Variants in RGS7 observed in about 807,000 individuals in gnomAD.
The protein encoded by RGS7 is regulator of G-protein signaling 7.
RGS7 carries 27 observed loss-of-function variants against 81.1 expected under a neutral mutation model. The observed-to-expected ratio is 0.33, with a 90% CI of 0.25 to 0.46. The LOEUF is 0.46. Among genes scored for constraint, RGS7 ranks in the 20% least tolerant of loss-of-function variants. The pLI is 1.00. For missense variants in RGS7, 396 were observed against 607.4 expected, an observed-to-expected ratio of 0.65 and a Z score of 3.66; for synonymous variants, 208 against 207.7, an observed-to-expected ratio of 1.00 and a Z score of -0.01.
intron 4 of RGS7, among the ~76,000 whole-genome samples, chr1:240,948,442 T>TTTTA (rs1238608781): frequency 1.3e-5 from 2 of 152,098 alleles, no homozygotes; most frequent in East Asian, 1.9e-4. Flanking sequence ...AGTGTTGCTA[T>TTTTA]TTTATTTATT....
intron 2 of RGS7, among the ~76,000 whole-genome samples, chr1:241,230,623 A>G (rs775644154): frequency 6.6e-6 from 1 of 152,244 alleles, no homozygotes; most frequent in African/African-American, 2.4e-5. Context: ...GAGCAAAAAC[A>G]TTAACCTCAA....
In RGS7 at chr1:241,271,997, TTA is replaced by T. The variant is rs568695615; in HGVS notation, c.78+83700_78+83701del. 0.11 allele frequency among the ~76,000 whole-genome samples: 14,003 copies of T among 126,894 alleles called. 675 individuals are homozygous for T. The highest frequency in any genetic ancestry group is 0.15 in the Non-Finnish European group (8,496 of 58,044). The allele number at this position is 126,894 out of a possible 152,430, so 83.2% of individuals were successfully genotyped here. Reference sequence around the variant, plus strand: ...TACTAGAATTTCTTTTTTTTTTTTTTTATTTTTATTTTTTGAGATGGAGTCTC... The same window carrying T: ...TACTAGAATTTCTTTTTTTTTTTTTTTTTTTATTTTTTGAGATGGAGTCTC... On this transcript the variant is annotated intron_variant, in intron 2 of 18. Transcript: ENST00000440928. The surrounding 1 kb of genome is among the most constrained non-coding windows in gnomAD (Gnocchi z 4.6).
At chr1:241,333,631 T>C (rs1438998078) in intron 2 of RGS7, among the ~76,000 whole-genome samples, 1 of 152,156 alleles carries the variant, frequency 6.6e-6, no homozygotes, top group Non-Finnish European at 1.5e-5. Context: ...AAGTCTTAGA[T>C]ACGGCACTCT....
At chr1:241,217,954 T>C (rs891477691) in intron 2 of RGS7, among the ~76,000 whole-genome samples, 1 of 152,244 alleles carries the variant, frequency 6.6e-6, no homozygotes. Context: ...TATTTCTTTC[T>C]AGATCTTGAA....
At chr1:241,270,165 C>T (rs1996806) in intron 2 of RGS7, among the ~76,000 whole-genome samples, 38,827 of 152,024 alleles carry the variant, frequency 0.26, 5,201 homozygotes, top group East Asian at 0.45. Context: ...CTCCATTTAT[C>T]AATGCTGGCC....
intron 4 of RGS7, among the ~76,000 whole-genome samples, chr1:240,939,907 TAAAAAAAATAAAA>T (rs1558498625): frequency 6.6e-6 from 1 of 151,230 alleles, no homozygotes; most frequent in East Asian, 1.9e-4. Flanking sequence ...CCGTCTCTAC[TAAAAAAAATAAAA>T]AATAAAAAAC....
chr1:240,871,201 T>A (rs1222012454), intron 6 of RGS7, among the ~76,000 whole-genome samples: 1 of 152,224 alleles, frequency 6.6e-6, no homozygotes, highest in Non-Finnish European at 1.5e-5. Context: ...CTCATGAAAC[T>A]CAAGATACAT....
intron 9 of RGS7, among the ~76,000 whole-genome samples, chr1:240,828,866 G>A (rs992544805): frequency 2.6e-5 from 4 of 152,164 alleles, no homozygotes; most frequent in Non-Finnish European, 5.9e-5. Flanking sequence ...CAGACTGCAA[G>A]AAATTAAAGC....
intron 2 of RGS7, among the ~76,000 whole-genome samples, chr1:241,243,807 C>A (rs551093544): frequency 2.6e-5 from 4 of 152,284 alleles, no homozygotes; most frequent in African/African-American, 7.2e-5. Context: ...ACCTAGTCAT[C>A]CTGGAGCATC....
chr1:241,244,013 C>T lies in RGS7; in HGVS notation c.78+111686G>A, dbSNP rs181869473. Among the ~76,000 whole-genome samples the T allele has an allele frequency of 3.4e-3, 513 of 152,222 alleles. 1 individual carries two copies. Among genetic ancestry groups the T allele is most frequent in the Admixed American group, 0.014 (216 of 15,296 alleles). On this transcript the variant is annotated intron_variant, in intron 2 of 18. Transcript: ENST00000440928. Reference sequence around the variant, plus strand: ...GTGACAAAAAAGAGATCCTTTCTAGCGGGCAGTGAAATGCCTATATATTAT... The same window carrying T: ...GTGACAAAAAAGAGATCCTTTCTAGTGGGCAGTGAAATGCCTATATATTAT...
At chr1:240,845,372 A>T (rs555252180) in intron 9 of RGS7, among the ~76,000 whole-genome samples, 105 of 152,316 alleles carry the variant, frequency 6.9e-4, no homozygotes, top group African/African-American at 2.2e-3. Flanking sequence ...TTTAATACAT[A>T]AAAAACTCAA....
chr1:241,221,006 A>AAAGGAAGGAAGG (rs58113561), intron 2 of RGS7, among the ~76,000 whole-genome samples: 12 of 84,646 alleles, frequency 1.4e-4, no homozygotes, highest in African/African-American at 4.4e-4. Context: ...AGAGAGAGAG[A>AAAGGAAGGAAGG]AAGGAAGGAA....
Position 241,304,113 on chromosome 1 carries a change from G to A in RGS7, c.78+51586C>T, listed in dbSNP as rs148904656. 2.4e-4 allele frequency among the ~76,000 whole-genome samples: 36 copies of A among 152,054 alleles called. No homozygotes were observed. In the East Asian group the frequency reaches 4.6e-3, roughly 20 times the overall value. ...TTACACTTTATTTTATTAATTTTTT[G>A]AGAGATGAGATTTTGCTACGTTGCC... On this transcript the variant is annotated intron_variant, in intron 2 of 18. Coordinates refer to ENST00000440928, the MANE Select transcript of RGS7 (RefSeq NM_001364886.1).
chr1:241,162,222 G>GCTTCCC (rs2069771034), intron 2 of RGS7, among the ~76,000 whole-genome samples: 1 of 142,028 alleles, frequency 7.0e-6, no homozygotes, highest in African/African-American at 2.6e-5. Flanking sequence ...CTGGTGATCA[G>GCTTCCC]CTTCCAAATA....
chr1:241,305,213 G>A (rs1007523184), intron 2 of RGS7, among the ~76,000 whole-genome samples: 2 of 152,080 alleles, frequency 1.3e-5, no homozygotes, highest in Admixed American at 6.5e-5. Context: ...TGCTTCTAAC[G>A]CCACTGATTA....
chr1:240,888,651 A>G (rs1310724010), intron 6 of RGS7, among the ~76,000 whole-genome samples: 4 of 152,244 alleles, frequency 2.6e-5, no homozygotes, highest in Non-Finnish European at 5.9e-5. Context: ...CAAGAATTTC[A>G]CATACATTAT....
chr1:241,083,089 G>C (rs2063231051), intron 3 of RGS7, among the ~76,000 whole-genome samples: 1 of 151,950 alleles, frequency 6.6e-6, no homozygotes, highest in Non-Finnish European at 1.5e-5. Context: ...GTCAGGTGTG[G>C]TGGTACCTGC....
chr1:241,223,667 C>CCTTT (rs1173186208), intron 2 of RGS7, among the ~76,000 whole-genome samples: 2 of 151,572 alleles, frequency 1.3e-5, no homozygotes, highest in East Asian at 3.9e-4. Context: ...GCCTGTTCTC[C>CCTTT]CTTTGTCCAG....
chr1:241,089,413 C>T (rs1050928452), intron 3 of RGS7, among the ~76,000 whole-genome samples: 1 of 151,852 alleles, frequency 6.6e-6, no homozygotes, highest in Non-Finnish European at 1.5e-5. Context: ...GCATGAAGGG[C>T]TCTCCACCTT....
Sources: allele counts gnomAD v4.1 joint callset (sites outside exome capture counted in the v4.1 genomes callset), GRCh38; gene constraint gnomAD v4.1.1; non-coding constraint Gnocchi (gnomAD v3.1); transcripts MANE v1.5; gene names NCBI Gene and HGNC (gene_info 2026-07-23, HGNC 2026-07-21).